Variants in DOCK8 observed in about 807,000 individuals in gnomAD.
DOCK8 encodes dedicator of cytokinesis protein 8.
Under a neutral mutation model 245.6 loss-of-function variants are expected in DOCK8, and 141 were observed. The ratio of observed to expected loss-of-function variants is 0.57; its 90% CI spans 0.50 to 0.66. The LOEUF is 0.66. Ranked by LOEUF, DOCK8 falls within the 30% of genes least tolerant of loss-of-function variation. The probability of loss-of-function intolerance (pLI) is 0.00; values close to 1 mark genes in which losing one functional copy is unlikely to be tolerated. For synonymous variants in DOCK8, 1,168 were observed against 970.2 expected, an observed-to-expected ratio of 1.20 and a Z score of -3.79; for missense variants, 2,965 against 2,603.4, an observed-to-expected ratio of 1.14 and a Z score of -3.02.
At chr9:403,865 T>TGTCTCTCC (rs1564020830) in intron 26 of DOCK8, among the ~76,000 whole-genome samples, 2 of 73,822 alleles carry the variant, frequency 2.7e-5, no homozygotes, top group Admixed American at 1.5e-4. Context: ...TGTATCTCTC[T>TGTCTCTCC]CTCTCTCTCT....
Position 376,997 on chromosome 9 carries a change from C to T in DOCK8, c.2226C>T (p.Phe742=). 1 of 1,614,066 alleles carries T rather than the reference C, an allele frequency of 6.2e-7. No homozygotes were observed. Among genetic ancestry groups the T allele is most frequent in the Non-Finnish European group, 8.5e-7 (1 of 1,179,984 alleles). Residue 742 remains phenylalanine (F), a synonymous_variant, in exon 20 of 48, where the codon TTC becomes TTT. Transcript: ENST00000432829. ...VHTQDNHLEK[F]FTLCHSLESQ... ...CGCAGGACAACCACCTGGAGAAGTT[C>T]TTCACCCTCTGCCACTCCCTGGAGA...
intron 1 of DOCK8, among the ~76,000 whole-genome samples, chr9:260,733 C>G (rs895938677): frequency 6.6e-6 from 1 of 151,892 alleles, no homozygotes; most frequent in Non-Finnish European, 1.5e-5. Flanking sequence ...ACATATGCAG[C>G]TGTAAAAAAA....
intron 14 of DOCK8, among the ~76,000 whole-genome samples, chr9:349,240 T>C (rs970552479): frequency 6.6e-5 from 10 of 152,226 alleles, no homozygotes; most frequent in Non-Finnish European, 1.5e-4. Flanking sequence ...TCAGATGTCA[T>C]GTGTCTTTTA....
rs1440432699 is a variant in DOCK8 at position 420,463 on chromosome 9, C to T, written c.3903C>T (p.Leu1301=). 1.9e-6 allele frequency: 3 copies of T among 1,614,176 alleles called. No individual in the cohort carries two copies. The stretch of plus-strand genomic sequence containing the variant: ...CTCGCAACCTCATGATCTGCTTCCT[C>T]TGGATCATGAAAAATGCTGATCAGA... ...DTTRNLMICF[L]WIMKNADQSL... The change falls in exon 31 of 48, where the codon CTC becomes CTT. Residue 1301 remains leucine, a synonymous_variant. Transcript: ENST00000432829.
At chr9:276,297 AGC>A (rs2048343949) in intron 2 of DOCK8, among the ~76,000 whole-genome samples, 2 of 152,242 alleles carry the variant, frequency 1.3e-5, no homozygotes, top group Non-Finnish European at 2.9e-5. Flanking sequence ...AGGTGTAGTA[AGC>A]AAAGACCACT....
chr9:374,000 C>G (rs757262111), intron 18 of DOCK8, among the ~76,000 whole-genome samples: 7 of 152,188 alleles, frequency 4.6e-5, no homozygotes, highest in African/African-American at 1.4e-4. Flanking sequence ...TTCTGCCACT[C>G]CCTAGCTGTG....
chr9:377,618 A>G (rs997343260), intron 20 of DOCK8, among the ~76,000 whole-genome samples: 1 of 152,222 alleles, frequency 6.6e-6, no homozygotes, highest in African/African-American at 2.4e-5. Flanking sequence ...AATGCAATCA[A>G]TTTTTAAAGT....
intron 1 of DOCK8, among the ~76,000 whole-genome samples, chr9:222,501 C>A (rs2046905336): frequency 6.6e-6 from 1 of 152,244 alleles, no homozygotes; most frequent in South Asian, 2.1e-4. Context: ...ACGAATGCTC[C>A]TTTCCCCACA....
At chr9:306,369 T>A (rs1023143650) in intron 5 of DOCK8, among the ~76,000 whole-genome samples, 1 of 152,182 alleles carries the variant, frequency 6.6e-6, no homozygotes, top group African/African-American at 2.4e-5. Context: ...TATGGGAGAT[T>A]TAAGGAATTT....
chr9:395,469 G>A (rs1213202985), intron 24 of DOCK8, among the ~76,000 whole-genome samples: 1 of 152,090 alleles, frequency 6.6e-6, no homozygotes, highest in Non-Finnish European at 1.5e-5. Flanking sequence ...GGGAGTGGAA[G>A]TCCCCTCTTC....
intron 1 of DOCK8, among the ~76,000 whole-genome samples, chr9:227,327 G>T (rs1587618397): frequency 6.6e-6 from 1 of 152,190 alleles, no homozygotes; most frequent in South Asian, 2.1e-4. Context: ...TGTTTAAGAC[G>T]ATGTAGTAGA....
At chr9:359,778 C>G (rs1228636238) in intron 14 of DOCK8, among the ~76,000 whole-genome samples, 1 of 134,636 alleles carries the variant, frequency 7.4e-6, no homozygotes, top group Non-Finnish European at 1.5e-5. Flanking sequence ...ATTTCCACTT[C>G]ATCAATTTTT....
At chr9:315,798 C>T (rs1025972880) in intron 6 of DOCK8, among the ~76,000 whole-genome samples, 2 of 152,144 alleles carry the variant, frequency 1.3e-5, no homozygotes, top group African/African-American at 4.8e-5. Flanking sequence ...CAATGAAAAT[C>T]TTTTTTAAAA....
chr9:222,888 G>C (rs2046916120), intron 1 of DOCK8, among the ~76,000 whole-genome samples: 1 of 152,106 alleles, frequency 6.6e-6, no homozygotes, highest in Non-Finnish European at 1.5e-5. Flanking sequence ...CTCCTCCTTT[G>C]GGTGCCTAAG....
At chr9:407,163 A>AG in intron 28 of DOCK8, 94 bp downstream of exon 28, 2 of 1,571,108 alleles carry the variant, frequency 1.3e-6, no homozygotes, top group Non-Finnish European at 1.7e-6. Context: ...TTGGTAAAAA[A>AG]CTCTACTGTA....
intron 26 of DOCK8, among the ~76,000 whole-genome samples, chr9:400,254 C>T (rs1264174766): frequency 9.8e-5 from 9 of 91,418 alleles, no homozygotes; most frequent in Admixed American, 2.2e-4. Flanking sequence ...CCTCCACCAT[C>T]ACCACCACCT....
intron 8 of DOCK8, among the ~76,000 whole-genome samples, chr9:325,961 GC>G (rs2050748579): frequency 6.6e-6 from 1 of 152,190 alleles, no homozygotes; most frequent in African/African-American, 2.4e-5. Context: ...GGAGGTGCTG[GC>G]CTGGTTGGAA....
chr9:308,878 T>C (rs1193826001), intron 5 of DOCK8, among the ~76,000 whole-genome samples: 3 of 152,178 alleles, frequency 2.0e-5, no homozygotes, highest in Admixed American at 6.5e-5. Flanking sequence ...AGGATGGTCT[T>C]GATCTCCTGA....
chr9:450,239 T>C (rs1356833858), intron 45 of DOCK8, among the ~76,000 whole-genome samples: 1 of 152,196 alleles, frequency 6.6e-6, no homozygotes, highest in African/African-American at 2.4e-5. Context: ...TGGAGTCATG[T>C]TGAAGAATGC....
Sources: allele counts gnomAD v4.1 joint callset (sites outside exome capture counted in the v4.1 genomes callset), GRCh38; gene constraint gnomAD v4.1.1; transcripts MANE v1.5; gene names NCBI Gene and HGNC (gene_info 2026-07-23, HGNC 2026-07-21).